The following DOCK3 variants were observed in gnomAD, a reference collection of about 807,000 sequenced individuals.
DOCK3 encodes the protein dedicator of cytokinesis protein 3.
A neutral mutation model predicts 265.6 loss-of-function variants in DOCK3; 60 were observed. The observed-to-expected ratio is 0.23, with a 90% CI of 0.18 to 0.28. DOCK3 has a LOEUF of 0.28. Ranked by LOEUF, DOCK3 falls within the 10% of genes least tolerant of loss-of-function variation. The pLI is 1.00. For synonymous variants in DOCK3, 881 were observed against 938.0 expected (o/e 0.94, Z 1.11); for missense variants, 1,981 against 2,594.3 (o/e 0.76, Z 5.14).
intron 1 of DOCK3, among the ~76,000 whole-genome samples, chr3:50,766,392 G>T (rs1159053747): frequency 1.3e-5 from 2 of 150,886 alleles, no homozygotes; most frequent in Non-Finnish European, 2.9e-5. Flanking sequence ...TTGTCCTTGT[G>T]ATAGTTTGCT....
intron 5 of DOCK3, among the ~76,000 whole-genome samples, chr3:50,959,782 G>A (rs1016482900): frequency 1.1e-4 from 16 of 151,752 alleles, no homozygotes; most frequent in African/African-American, 2.9e-4. Context: ...GGGTTTCACC[G>A]TGTTAGCCAG....
At chr3:51,348,280 A>T (rs1019538661) in intron 38 of DOCK3, among the ~76,000 whole-genome samples, 11 of 152,244 alleles carry the variant, frequency 7.2e-5, no homozygotes, top group Non-Finnish European at 1.5e-4. Context: ...TTAAGGTCAA[A>T]TAGTTCCATA....
At chr3:50,809,437 C>T (rs144588553) in intron 2 of DOCK3, among the ~76,000 whole-genome samples, 139 of 152,228 alleles carry the variant, frequency 9.1e-4, no homozygotes, top group East Asian at 3.9e-3. Context: ...GTGAGAATGT[C>T]GATCGGTTGT....
At chr3:51,182,499 A>G (rs2087358981) in intron 12 of DOCK3, among the ~76,000 whole-genome samples, 1 of 152,154 alleles carries the variant, frequency 6.6e-6, no homozygotes, top group Non-Finnish European at 1.5e-5. Flanking sequence ...CTCCTGCCAT[A>G]ATCAGGTTCC....
At chr3:51,219,376 G>A (rs542999889) in intron 14 of DOCK3, among the ~76,000 whole-genome samples, 3 of 152,048 alleles carry the variant, frequency 2.0e-5, no homozygotes, top group Non-Finnish European at 4.4e-5. Flanking sequence ...GCAATACTGG[G>A]GTGGGGTATC....
chr3:51,326,558 G>T (rs1462110913), intron 32 of DOCK3, among the ~76,000 whole-genome samples: 5 of 151,300 alleles, frequency 3.3e-5, no homozygotes, highest in Non-Finnish European at 2.9e-5. Context: ...GGGATTACAG[G>T]CGTGAGCCCC....
chr3:50,683,736 C>T (rs989892417), intron 1 of DOCK3, among the ~76,000 whole-genome samples: 6 of 152,084 alleles, frequency 3.9e-5, no homozygotes, highest in Non-Finnish European at 8.8e-5. Context: ...ACTTCATTTT[C>T]ATCTTCCTGT....
rs368819970 is a variant in DOCK3, at chr3:50,925,824, C to CTTTTTTTTTTTTTTTTTTT, written c.219-8151_219-8133dup. On this transcript the variant is annotated intron_variant, in intron 4 of 52. Coordinates refer to ENST00000266037, the MANE Select transcript of DOCK3 (RefSeq NM_004947.5). ...TCAGCAGCTACTAGGTAAAACTAGT[C>CTTTTTTTTTTTTTTTTTTT]TTTTTTTTTTTTTTTTTTTTTTTTG... is the stretch of plus-strand genomic sequence containing the variant. Among the ~76,000 whole-genome samples, 5 of 88,428 alleles carry CTTTTTTTTTTTTTTTTTTT rather than the reference C, an allele frequency of 5.7e-5. 2 individuals carry two copies. Among genetic ancestry groups the CTTTTTTTTTTTTTTTTTTT allele is most frequent in the African/African-American group, 2.6e-4 (5 of 19,404 alleles). 58.0% of individuals were successfully genotyped at this position (88,428 alleles called of 152,430 possible).
chr3:51,234,809 T>C (rs960368387), intron 19 of DOCK3, among the ~76,000 whole-genome samples: 6 of 152,194 alleles, frequency 3.9e-5, no homozygotes, highest in African/African-American at 1.2e-4. Flanking sequence ...GTTGCCTTCA[T>C]AGGGCTTTTC....
intron 2 of DOCK3, among the ~76,000 whole-genome samples, chr3:50,811,619 G>C (rs919827717): frequency 1.3e-5 from 2 of 152,136 alleles, no homozygotes; most frequent in African/African-American, 4.8e-5. Flanking sequence ...TGTGAAGTTA[G>C]ATGTGCATAT....
At chr3:51,036,255 C>T (rs1460047009) in intron 5 of DOCK3, among the ~76,000 whole-genome samples, 2 of 152,160 alleles carry the variant, frequency 1.3e-5, no homozygotes, top group Non-Finnish European at 2.9e-5. Context: ...TTACTCCTCC[C>T]TCTGGGGAGT....
intron 20 of DOCK3, among the ~76,000 whole-genome samples, 166 bp downstream of exon 20, chr3:51,236,594 G>A (rs1301385409): frequency 1.3e-5 from 2 of 152,140 alleles, no homozygotes; most frequent in African/African-American, 4.8e-5. Flanking sequence ...AACCAACCAG[G>A]CAGATCAAAC....
At chr3:51,286,453 C>G (rs2081409736) in intron 27 of DOCK3, among the ~76,000 whole-genome samples, 1 of 152,028 alleles carries the variant, frequency 6.6e-6, no homozygotes, top group South Asian at 2.1e-4. Flanking sequence ...ACATTTCTCA[C>G]AGAATTAAAA....
rs551493848 is a variant in DOCK3, at chr3:51,160,795, C to T, written c.1037+93C>T. The T allele has an allele frequency of 1.5e-4, 222 of 1,439,184 alleles. No individual in the cohort carries two copies. In the South Asian group the frequency reaches 3.0e-3, roughly 19 times the overall value. 89.2% of individuals were successfully genotyped at this position (1,439,184 alleles called of 1,614,324 possible). ...TAGTAGTGCTCAAACCTTGTGGACA[C>T]AGGCCACGCAGTGGCTCACGCCTGT... On this transcript the variant is annotated intron_variant, in intron 12 of 52. Transcript: ENST00000266037.
chr3:50,912,305 CCT>C (rs1252757626), intron 4 of DOCK3, among the ~76,000 whole-genome samples: 4 of 152,064 alleles, frequency 2.6e-5, no homozygotes, highest in African/African-American at 9.7e-5. Flanking sequence ...GCAAAATCTC[CCT>C]CTCTGTGTTT....
At chr3:51,236,242 G>T (rs908971067) in intron 19 of DOCK3, 103 bp from the exon 20 acceptor site, 9 of 882,220 alleles carry the variant, frequency 1.0e-5, no homozygotes, top group Admixed American at 2.1e-5. Flanking sequence ...GAGATCCTAA[G>T]AGATCTTTCA....
intron 2 of DOCK3, chr3:50,787,746 T>A (rs952823334): frequency 8.4e-6 from 10 of 1,191,228 alleles, no homozygotes; most frequent in Non-Finnish European, 1.2e-5. Context: ...CTTTCTCTGT[T>A]ATCTTCTCCT....
intron 1 of DOCK3, among the ~76,000 whole-genome samples, chr3:50,758,961 CT>C (rs1559601907): frequency 6.6e-6 from 1 of 152,160 alleles, no homozygotes; most frequent in Non-Finnish European, 1.5e-5. Context: ...CTTTGTAAGG[CT>C]GAATAATATT....
chr3:51,341,907 A>T (rs2085268239), intron 38 of DOCK3, among the ~76,000 whole-genome samples: 2 of 152,136 alleles, frequency 1.3e-5, no homozygotes, highest in African/African-American at 4.8e-5. Context: ...TTTCTATGGG[A>T]TTGGCAGCAT....
Sources: gnomAD v4.1 joint callset for allele counts (sites outside exome capture counted in the v4.1 genomes callset) on GRCh38, gnomAD v4.1.1 for gene constraint, MANE v1.5 for transcripts, NCBI Gene and HGNC (gene_info 2026-07-23, HGNC 2026-07-21) for gene names.